Variants in SCD5 observed in about 807,000 individuals in gnomAD.
The protein encoded by SCD5 is stearoyl-CoA desaturase 5.
SCD5 carries 20 observed loss-of-function variants against 30.4 expected under a neutral mutation model. The observed-to-expected ratio is 0.66, with a 90% CI of 0.46 to 0.96. The LOEUF is 0.96. SCD5 is among the 40% of genes least tolerant of loss of function. The probability of loss-of-function intolerance (pLI) is 0.00; values close to 1 mark genes in which losing one functional copy is unlikely to be tolerated. For synonymous variants in SCD5, 173 were observed against 176.4 expected (o/e 0.98, Z 0.16); for missense variants, 381 against 443.3 (o/e 0.86, Z 1.26).
chr4:82,738,670 T>C (rs1015077619), intron 1 of SCD5, among the ~76,000 whole-genome samples: 8 of 152,150 alleles, frequency 5.3e-5, no homozygotes, highest in South Asian at 2.1e-4. Flanking sequence ...TGGTAGACCA[T>C]AGAGAAGCTA....
At chr4:82,697,842 A>G (rs765886884) in intron 2 of SCD5, among the ~76,000 whole-genome samples, 1 of 152,210 alleles carries the variant, frequency 6.6e-6, no homozygotes, top group Non-Finnish European at 1.5e-5. Flanking sequence ...GGAAGGGGTT[A>G]CAATGCAGCA....
chr4:82,677,629 AG>A (rs1157942262), intron 3 of SCD5, among the ~76,000 whole-genome samples: 1 of 152,190 alleles, frequency 6.6e-6, no homozygotes, highest in African/African-American at 2.4e-5. Context: ...AGTGATTCTA[AG>A]CCTTATTTTG....
At chr4:82,680,307 G>A (rs573612782) in intron 3 of SCD5, among the ~76,000 whole-genome samples, 19 of 152,284 alleles carry the variant, frequency 1.2e-4, no homozygotes, top group Admixed American at 8.5e-4. Context: ...TAGGATACCT[G>A]GAGAGAGTTC....
chr4:82,740,134 C>T (rs960827395), intron 1 of SCD5, among the ~76,000 whole-genome samples: 1 of 152,232 alleles, frequency 6.6e-6, no homozygotes, highest in East Asian at 1.9e-4. Context: ...GCATCTACCC[C>T]CTAAGGACTT....
intron 1 of SCD5, among the ~76,000 whole-genome samples, chr4:82,781,735 T>C (rs1721879006): frequency 6.6e-6 from 1 of 152,194 alleles, no homozygotes; most frequent in East Asian, 1.9e-4. Flanking sequence ...TCATTGCCCT[T>C]GCATAATAGG....
chr4:82,650,540 A>G (rs1201494348), intron 3 of SCD5, among the ~76,000 whole-genome samples: 1 of 152,250 alleles, frequency 6.6e-6, no homozygotes. Flanking sequence ...TACAAAAAAT[A>G]CAAAAATTAG....
chr4:82,711,902 A>G (rs2148829335), intron 1 of SCD5, among the ~76,000 whole-genome samples: 1 of 152,058 alleles, frequency 6.6e-6, no homozygotes, highest in South Asian at 2.1e-4. Context: ...TATTTCTGAT[A>G]TTATTTCATA....
intron 1 of SCD5, among the ~76,000 whole-genome samples, chr4:82,728,760 G>A (rs1337609572): frequency 6.6e-6 from 1 of 152,106 alleles, no homozygotes; most frequent in Non-Finnish European, 1.5e-5. Flanking sequence ...AGCCTTCAGG[G>A]AGACCAATGT....
chr4:82,726,017 G>A (rs1384306730), intron 1 of SCD5, among the ~76,000 whole-genome samples: 1 of 152,224 alleles, frequency 6.6e-6, no homozygotes, highest in Admixed American at 6.5e-5. Context: ...ACAGGCCTCA[G>A]AGGCCGCAGA....
chr4:82,715,030 A>G (rs567602085), intron 1 of SCD5, among the ~76,000 whole-genome samples: 1 of 151,664 alleles, frequency 6.6e-6, no homozygotes, highest in South Asian at 2.1e-4. Context: ...TGAGGTCAGG[A>G]GTTCGAGACC....
At chr4:82,697,476 G>C (rs534000398) in intron 2 of SCD5, among the ~76,000 whole-genome samples, 17 of 152,256 alleles carry the variant, frequency 1.1e-4, no homozygotes, top group African/African-American at 4.1e-4. Context: ...TGGTTGGTCT[G>C]TTCATCTGTC....
intron 2 of SCD5, among the ~76,000 whole-genome samples, chr4:82,686,469 T>C (rs1728705765): frequency 6.6e-6 from 1 of 152,232 alleles, no homozygotes; most frequent in African/African-American, 2.4e-5. Flanking sequence ...TATATTTTCA[T>C]CTAACAATTC....
intron 2 of SCD5, among the ~76,000 whole-genome samples, chr4:82,695,893 G>C (rs1375353911): frequency 6.6e-6 from 1 of 152,096 alleles, no homozygotes; most frequent in East Asian, 1.9e-4. Flanking sequence ...TCAAATTTCT[G>C]CAGCCCTAAA....
intron 1 of SCD5, among the ~76,000 whole-genome samples, chr4:82,707,783 T>C (rs921920907): frequency 1.3e-5 from 2 of 152,228 alleles, no homozygotes; most frequent in African/African-American, 4.8e-5. Flanking sequence ...CCTTCCTCAG[T>C]TGAGCCTTCA....
chr4:82,746,492 C>T (rs1720984957), intron 1 of SCD5, among the ~76,000 whole-genome samples: 1 of 152,104 alleles, frequency 6.6e-6, no homozygotes, highest in African/African-American at 2.4e-5. Flanking sequence ...CTAGTTAAAC[C>T]TGAATTTTCT....
chr4:82,678,218 C>T (rs1728476543), intron 3 of SCD5, among the ~76,000 whole-genome samples: 1 of 152,152 alleles, frequency 6.6e-6, no homozygotes, highest in Non-Finnish European at 1.5e-5. Flanking sequence ...CTGATAGCCA[C>T]AGCCTCCTTT....
intron 1 of SCD5, among the ~76,000 whole-genome samples, chr4:82,772,591 G>A (rs1332530278): frequency 6.6e-6 from 1 of 152,176 alleles, no homozygotes; most frequent in Non-Finnish European, 1.5e-5. Flanking sequence ...GGTCTAGGAT[G>A]GCCTCATACA....
chr4:82,659,554 G>T (rs750027555), intron 3 of SCD5, among the ~76,000 whole-genome samples: 4 of 152,172 alleles, frequency 2.6e-5, no homozygotes, highest in Non-Finnish European at 5.9e-5. Flanking sequence ...TGGTTTCAAA[G>T]AACTTAGTTA....
intron 1 of SCD5, among the ~76,000 whole-genome samples, chr4:82,738,724 C>T (rs1720806148): frequency 6.6e-6 from 1 of 152,206 alleles, no homozygotes; most frequent in Admixed American, 6.5e-5. Context: ...GAACATTTCT[C>T]CACTGTAGTA....
Sources: allele counts gnomAD v4.1 joint callset (sites outside exome capture counted in the v4.1 genomes callset), GRCh38; gene constraint gnomAD v4.1.1; transcripts MANE v1.5; gene names NCBI Gene and HGNC (gene_info 2026-07-23, HGNC 2026-07-21).